The following PLCB2 variants were observed in gnomAD, a reference collection of about 807,000 sequenced individuals.
The protein encoded by PLCB2 is 1-phosphatidylinositol 4,5-bisphosphate phosphodiesterase beta-2.
A neutral mutation model predicts 141.7 loss-of-function variants in PLCB2; 115 were observed. That is an observed-to-expected ratio of 0.81 (90% CI 0.70 to 0.95). The LOEUF (loss-of-function observed/expected upper bound fraction) is 0.95. Among genes scored for constraint, PLCB2 ranks in the 40% least tolerant of loss-of-function variants. The pLI, the probability that PLCB2 is intolerant of heterozygous loss-of-function variation, is 0.00. For synonymous variants in PLCB2, 603 were observed against 595.6 expected (o/e 1.01, Z -0.18); for missense variants, 1,403 against 1,541.1 (o/e 0.91, Z 1.50).
Position 40,295,218 on chromosome 15 carries a change from G to A in PLCB2, c.1764C>T (p.Ala588=). 1 of 1,613,848 alleles carries A rather than the reference G, an allele frequency of 6.2e-7. No homozygotes were observed. Among genetic ancestry groups the A allele is most frequent in the Non-Finnish European group, 8.5e-7 (1 of 1,179,748 alleles). ...ELKAYDLLSK[A]SVQFVDYNKR... ...AAGGATACTCCACAAACTGCACCGA[G>A]GCCTTGGAGAGCAGGTCATATGCCT... The change falls in exon 17 of 32, where the codon GCC becomes GCT. Residue 588 remains alanine (A), a synonymous_variant. Coordinates refer to ENST00000260402, the MANE Select transcript of PLCB2 (RefSeq NM_004573.3).
intron 1 of PLCB2, among the ~76,000 whole-genome samples, chr15:40,306,755 T>C (rs1361625258): frequency 6.6e-6 from 1 of 152,148 alleles, no homozygotes; most frequent in Non-Finnish European, 1.5e-5. Flanking sequence ...AGCCTTCATT[T>C]CCCTTCCTGG....
chr15:40,298,175 G>T, intron 11 of PLCB2, 48 bp downstream of exon 11: 1 of 1,520,136 alleles, frequency 6.6e-7, no homozygotes, highest in Non-Finnish European at 8.9e-7. Context: ...CTGGCCCAGA[G>T]CCCTTCCCTA....
At chr15:40,296,203 G>A (rs1251286921) in intron 16 of PLCB2, 93 bp downstream of exon 16, 11 of 971,936 alleles carry the variant, frequency 1.1e-5, no homozygotes, top group Non-Finnish European at 1.4e-5. Flanking sequence ...GCCTGACTCC[G>A]TGGCTGGATA....
rs79930917 is a variant in PLCB2 at position 40,299,700 on chromosome 15, G to A, written c.583-472C>T. Among the ~76,000 whole-genome samples, 1,233 of 152,178 alleles carry A rather than the reference G, an allele frequency of 8.1e-3. 7 individuals carry two copies. Among genetic ancestry groups the A allele is most frequent in the Non-Finnish European group, 0.014 (922 of 68,000 alleles). ...AATATTTGGAGACACCAAAAGCACC[G>A]GGACAAAGAAAGATAAATTAAACGT... is the stretch of plus-strand genomic sequence containing the variant. On this transcript the variant is annotated intron_variant, in intron 7 of 31. Coordinates refer to ENST00000260402, the MANE Select transcript of PLCB2 (RefSeq NM_004573.3).
chr15:40,298,984 G>GCA lies in PLCB2; in HGVS notation c.684-22_684-21dup, dbSNP rs1566885424. ...GCATGGCTTCAAGCCAGAGAGAAGA[G>GCA]CACAGGTCCATATCCCTTGGGCCTG... On this transcript the variant is annotated intron_variant, in intron 8 of 31. Transcript: ENST00000260402. The GCA allele has an allele frequency of 2.5e-6, 4 of 1,601,522 alleles. No individual in the cohort carries two copies. The South Asian group carries it at 3.3e-5, about 13-fold the overall frequency.
At chr15:40,295,678 C>T (rs1001777186) in intron 16 of PLCB2, among the ~76,000 whole-genome samples, 2 of 152,116 alleles carry the variant, frequency 1.3e-5, no homozygotes, top group Non-Finnish European at 2.9e-5. Flanking sequence ...TGGCTGAACA[C>T]GTCTGGGGAG....
chr15:40,298,081 C>G (rs994742538), intron 11 of PLCB2, 122 bp from the exon 12 acceptor site: 46 of 1,174,900 alleles, frequency 3.9e-5, no homozygotes, highest in Non-Finnish European at 5.4e-5. Flanking sequence ...GCCATTGGCC[C>G]CCAATCCCTG....
At position 40,292,044 on chromosome 15, in the gene PLCB2, G is replaced by T. The variant is rs771037738; in HGVS notation, c.2526+20C>A. 1.2e-6 allele frequency: 2 copies of T among 1,609,548 alleles called. No individual in the cohort carries two copies. Among genetic ancestry groups the T allele is most frequent in the Admixed American group, 3.3e-5 (2 of 60,016 alleles). ...GCTAATCTCTGGTGAGCCCCTGGCA[G>T]CAGTGCAGGCAACACAGACCTCAGG... On this transcript the variant is annotated intron_variant, in intron 23 of 31. Transcript: ENST00000260402.
In PLCB2 at chr15:40,291,847, A is replaced by G. The variant is rs749636580; in HGVS notation, c.2602+2T>C. ...AGTAGGTGTGCGGACCGAAGCTCAT[A>G]CCTGGTGACCCATTGCTCGTTGGGG... On this transcript the variant is annotated splice_donor_variant, in intron 24 of 31. Coordinates refer to ENST00000260402, the MANE Select transcript of PLCB2 (RefSeq NM_004573.3). LOFTEE classifies it high-confidence loss of function. 4.3e-6 allele frequency: 7 copies of G among 1,614,096 alleles called. No individual in the cohort carries two copies. The highest frequency in any genetic ancestry group is 5.9e-6 in the Non-Finnish European group (7 of 1,179,978).
intron 7 of PLCB2, 125 bp downstream of exon 7, chr15:40,301,832 G>A: frequency 2.4e-6 from 2 of 828,450 alleles, no homozygotes; most frequent in Non-Finnish European, 4.0e-6. Context: ...GGGTTGATTG[G>A]CTCTCCAGGC....
Position 40,289,257 on chromosome 15 carries a change from T to C in PLCB2, c.3354+15A>G. On this transcript the variant is annotated intron_variant, in intron 31 of 31. Coordinates refer to ENST00000260402, the MANE Select transcript of PLCB2 (RefSeq NM_004573.3). ...CATTCAGTTCTGCTGGGGGTCCCAG[T>C]AGTGAACCTGTTACCTGCTTTTCCA... 6.2e-7 allele frequency: 1 copy of C among 1,604,912 alleles called. No homozygotes were observed. Among genetic ancestry groups the C allele is most frequent in the Non-Finnish European group, 8.5e-7 (1 of 1,171,628 alleles).
At chr15:40,299,025 C>G in intron 8 of PLCB2, 61 bp from the exon 9 acceptor site, 2 of 1,587,690 alleles carry the variant, frequency 1.3e-6, no homozygotes, top group Non-Finnish European at 1.7e-6. Flanking sequence ...TTAGACAACC[C>G]CCTTGTCCAG....
Position 40,302,305 on chromosome 15 carries a change from C to T in PLCB2, c.417G>A (p.Thr139=), listed in dbSNP as rs190166395. The change falls in exon 5 of 32, where the codon ACG becomes ACA. Residue 139 remains threonine, a synonymous_variant. Transcript: ENST00000260402. ...DVLALVKHPL[T]ANASRSTFLD... ...GGAAGGTGCTGCGGGAGGCGTTGGCCGTCAGCGGATGTTTGACTAGGGCCA... is the reference window on the plus strand; with the variant it reads ...GGAAGGTGCTGCGGGAGGCGTTGGCTGTCAGCGGATGTTTGACTAGGGCCA... The T allele has an allele frequency of 7.1e-5, 114 of 1,614,138 alleles. 1 individual carries two copies. The East Asian group carries it at 2.1e-3, about 30-fold the overall frequency.
chr15:40,291,981 G>A, intron 23 of PLCB2, 57 bp from the exon 24 acceptor site: 2 of 1,602,408 alleles, frequency 1.2e-6, no homozygotes, highest in Non-Finnish European at 1.7e-6. Flanking sequence ...CCCCGAGCCT[G>A]GGACTCGGCC....
intron 7 of PLCB2, 77 bp downstream of exon 7, chr15:40,301,880 C>T: frequency 1.5e-6 from 2 of 1,304,020 alleles, no homozygotes; most frequent in Non-Finnish European, 2.2e-6. Context: ...TGCTCCCCCA[C>T]CCACCATTCC....
Position 40,294,432 on chromosome 15 carries a change from A to T in PLCB2, c.1907-12T>A, listed in dbSNP as rs776037029. The T allele has an allele frequency of 5.6e-6, 9 of 1,613,800 alleles. No homozygotes were observed. The highest frequency in any genetic ancestry group is 7.6e-6 in the Non-Finnish European group (9 of 1,179,984). ...CTGCATGGGCAAGTCTGGAGGGACA[A>T]GGACACTCAGTGAGGAAGGCCCAGC... On this transcript the variant is annotated splice_polypyrimidine_tract_variant and intron_variant, in intron 18 of 31. Coordinates refer to ENST00000260402, the MANE Select transcript of PLCB2 (RefSeq NM_004573.3).
At position 40,292,488 on chromosome 15, in the gene PLCB2, G is replaced by A. The variant is rs141674894; in HGVS notation, c.2327-45C>T. 6.4e-5 allele frequency: 89 copies of A among 1,381,810 alleles called. No individual in the cohort carries two copies. In the African/African-American group the frequency reaches 1.2e-3, roughly 19 times the overall value. The allele number at this position is 1,381,810 out of a possible 1,614,324, so 85.6% of individuals were successfully genotyped here. ...AGGCAGTGAGCCAGAGCCCGTTCCT[G>A]CCAGCACTGTGCACACACAGCCTAG... On this transcript the variant is annotated intron_variant, in intron 21 of 31. Coordinates refer to ENST00000260402, the MANE Select transcript of PLCB2 (RefSeq NM_004573.3).
At chr15:40,286,039 G>C, downstream of PLCB2, 2 of 985,494 alleles carry the variant, frequency 2.0e-6, no homozygotes, top group Non-Finnish European at 2.4e-6. Flanking sequence ...GAGCCCTGGA[G>C]CCTTTGCTCT....
At position 40,297,666 on chromosome 15, in the gene PLCB2, C is replaced by T. The variant is rs780236619; in HGVS notation, c.1239-61G>A. ...CTCAGCACCAACCCTATTATGCATCCTTTTGTGCCCTTGATGACCCAGATC... is the reference window on the plus strand; with the variant it reads ...CTCAGCACCAACCCTATTATGCATCTTTTTGTGCCCTTGATGACCCAGATC... On this transcript the variant is annotated intron_variant, in intron 12 of 31. Transcript: ENST00000260402. The surrounding 1 kb of genome is among the most constrained non-coding windows in gnomAD (Gnocchi z 4.2). 5.0e-6 allele frequency: 7 copies of T among 1,393,688 alleles called. No homozygotes were observed. The highest frequency in any genetic ancestry group is 7.1e-6 in the Non-Finnish European group (7 of 987,084). 86.3% of individuals were successfully genotyped at this position (1,393,688 alleles called of 1,614,324 possible).
Sources: gnomAD v4.1 joint callset for allele counts (sites outside exome capture counted in the v4.1 genomes callset) on GRCh38, gnomAD v4.1.1 for gene constraint, Gnocchi (gnomAD v3.1) non-coding constraint, MANE v1.5 for transcripts, NCBI Gene and HGNC (gene_info 2026-07-23, HGNC 2026-07-21) for gene names.